KHDRBS3: variants seen among roughly 807,000 people sequenced by gnomAD.
KHDRBS3 encodes KH RNA binding domain containing, signal transduction associated 3, also known as KH domain-containing, RNA-binding, signal transduction-associated protein 3.
KHDRBS3 carries 23 observed loss-of-function variants against 45.6 expected under a neutral mutation model. The observed-to-expected ratio is 0.50, with a 90% CI of 0.36 to 0.72. The LOEUF is 0.72. Ranked by LOEUF, KHDRBS3 falls within the 30% of genes least tolerant of loss-of-function variation. The pLI is 0.00. For synonymous variants in KHDRBS3, 162 were observed against 156.5 expected, an observed-to-expected ratio of 1.04 and a Z score of -0.26; for missense variants, 352 against 424.8, an observed-to-expected ratio of 0.83 and a Z score of 1.51.
At chr8:135,494,760 G>C (rs1192847678) in intron 1 of KHDRBS3, among the ~76,000 whole-genome samples, 1 of 152,178 alleles carries the variant, frequency 6.6e-6, no homozygotes, top group East Asian at 1.9e-4. Flanking sequence ...TTCCATAGTG[G>C]GTTCAAGAGA....
At chr8:135,609,856 G>A (rs1301014643) in intron 7 of KHDRBS3, among the ~76,000 whole-genome samples, 3 of 151,742 alleles carry the variant, frequency 2.0e-5, no homozygotes, top group Non-Finnish European at 4.4e-5. Flanking sequence ...TTTATGGTTC[G>A]ATTCATTCTG....
chr8:135,533,126 A>G (rs1024917631), intron 2 of KHDRBS3, among the ~76,000 whole-genome samples: 2 of 152,124 alleles, frequency 1.3e-5, no homozygotes, highest in African/African-American at 4.8e-5. Context: ...GTACTGGGGC[A>G]TACAGCTATT....
chr8:135,548,355 A>G (rs780920411), intron 3 of KHDRBS3, among the ~76,000 whole-genome samples: 29 of 152,234 alleles, frequency 1.9e-4, no homozygotes, highest in Non-Finnish European at 3.2e-4. Context: ...AGAGACGCAC[A>G]CAGCCAGTGT....
chr8:135,565,257 G>A (rs548142298), intron 5 of KHDRBS3, among the ~76,000 whole-genome samples: 3 of 152,148 alleles, frequency 2.0e-5, no homozygotes, highest in Non-Finnish European at 4.4e-5. Flanking sequence ...CTGGAGGGGA[G>A]TTTCTTTAGA....
At chr8:135,605,353 T>C (rs1156789240) in intron 6 of KHDRBS3, among the ~76,000 whole-genome samples, 1 of 152,108 alleles carries the variant, frequency 6.6e-6, no homozygotes, top group Non-Finnish European at 1.5e-5. Context: ...GACTGGATTT[T>C]CTCCACTCAT....
At chr8:135,653,513 T>C (rs1391746976) in intron 4 of KHDRBS3, among the ~76,000 whole-genome samples, 1 of 152,222 alleles carries the variant, frequency 6.6e-6, no homozygotes, top group Non-Finnish European at 1.5e-5. Context: ...TGAATATGTA[T>C]CTTTTCTGCA....
intron 6 of KHDRBS3, among the ~76,000 whole-genome samples, chr8:135,586,254 A>G (rs1236443355): frequency 6.6e-6 from 1 of 152,154 alleles, no homozygotes; most frequent in Non-Finnish European, 1.5e-5. Flanking sequence ...ACTGGTAAAG[A>G]AGGAGCAGAT....
chr8:135,568,862 C>T (rs11781018), intron 5 of KHDRBS3, among the ~76,000 whole-genome samples: 59,481 of 152,042 alleles, frequency 0.39, 12,735 homozygotes, highest in South Asian at 0.53. Flanking sequence ...CTGCTCTTGC[C>T]TCCCCCTGTA....
Position 135,557,485 on chromosome 8 carries a change from A to G in KHDRBS3, c.509A>G (p.Glu170Gly). 1 of 1,610,746 alleles carries G rather than the reference A, an allele frequency of 6.2e-7. No individual in the cohort carries two copies. Among genetic ancestry groups the G allele is most frequent in the Non-Finnish European group, 8.5e-7 (1 of 1,176,922 alleles). The change falls in exon 5 of 9, where the codon GAG becomes GGG. Residue 170 changes from glutamate (E) to glycine (G), a missense_variant. Coordinates refer to ENST00000355849, the MANE Select transcript of KHDRBS3 (RefSeq NM_006558.3). ...NDEIRQAQLQ[E>G]LTYLNGGSEN... ...GAGATCAGGCAAGCACAGCTCCAGG[A>G]GTTAACATATTTGAATGGTGGTTCA...
At chr8:135,642,240 T>C (rs1831090613) in intron 7 of KHDRBS3, among the ~76,000 whole-genome samples, 1 of 152,244 alleles carries the variant, frequency 6.6e-6, no homozygotes, top group African/African-American at 2.4e-5. Context: ...CTGTAGCATT[T>C]GTGTTCAGCA....
At chr8:135,575,346 G>A (rs1314328586) in intron 5 of KHDRBS3, among the ~76,000 whole-genome samples, 1 of 152,134 alleles carries the variant, frequency 6.6e-6, no homozygotes, top group Non-Finnish European at 1.5e-5. Flanking sequence ...GCTCCATAGA[G>A]CTCGTGGCTC....
intron 1 of KHDRBS3, among the ~76,000 whole-genome samples, chr8:135,476,837 A>G (rs1238824321): frequency 2.6e-5 from 4 of 152,356 alleles, no homozygotes; most frequent in African/African-American, 9.6e-5. Context: ...GGTAAATGAC[A>G]TTGAAAGATG....
At chr8:135,537,298 T>G (rs192894257) in intron 2 of KHDRBS3, among the ~76,000 whole-genome samples, 1 of 152,248 alleles carries the variant, frequency 6.6e-6, no homozygotes, top group East Asian at 1.9e-4. Context: ...ACTAATCAGC[T>G]TTTTGGTGAG....
In KHDRBS3 at chr8:135,607,837, G is replaced by GAAC. The variant is rs149260572; in HGVS notation, c.890+800_890+801insAAC. Among the ~76,000 whole-genome samples, 1,412 of 152,288 alleles carry GAAC rather than the reference G, an allele frequency of 9.3e-3. 18 individuals are homozygous for GAAC. Among genetic ancestry groups the GAAC allele is most frequent in the African/African-American group, 0.033 (1,362 of 41,538 alleles). ...TTTGAACTCGTCCAGTGCCAGTCAA[G>GAAC]CTTTGCACACATAGGTTCTCTTTAT... On this transcript the variant is annotated intron_variant, in intron 7 of 8. Coordinates refer to ENST00000355849, the MANE Select transcript of KHDRBS3 (RefSeq NM_006558.3).
intron 7 of KHDRBS3, among the ~76,000 whole-genome samples, chr8:135,636,050 A>G (rs1830797304): frequency 6.6e-6 from 1 of 152,192 alleles, no homozygotes; most frequent in Non-Finnish European, 1.5e-5. Context: ...ACTTAAAGTG[A>G]CAGGCTCACT....
chr8:135,548,771 A>C lies in KHDRBS3; in HGVS notation c.342A>C (p.Lys114Asn). Residue 114 changes from lysine to asparagine, a missense_variant, in exon 4 of 9, where the codon AAA (lysine) becomes AAC (asparagine). Lys to Asn is a moderately conservative substitution (Grantham distance 94). Around this residue, in one of 6 missense-constraint regions of KHDRBS3, gnomAD observed 46 missense variants for 45.9 expected, o/e 1.00. Transcript: ENST00000355849. ...TTTTCCAGGAAGAAGAGTTGAGGAA[A>C]AGTGGAGAAGCGAAGTACTTCCATC... Reference protein sequence around the residue: ...RDKAKEEELRKSGEAKYFHLN... With the variant: ...RDKAKEEELRNSGEAKYFHLN... 6.5e-7 allele frequency: 1 copy of C among 1,544,328 alleles called. No homozygotes were observed.
At chr8:135,562,568 G>A (rs1249099714) in intron 5 of KHDRBS3, among the ~76,000 whole-genome samples, 1 of 152,082 alleles carries the variant, frequency 6.6e-6, no homozygotes, top group Non-Finnish European at 1.5e-5. Context: ...GGTAACTAAT[G>A]ATAGGTGGTA....
intron 5 of KHDRBS3, among the ~76,000 whole-genome samples, chr8:135,559,456 A>T (rs1350886736): frequency 6.6e-6 from 1 of 152,070 alleles, no homozygotes; most frequent in Non-Finnish European, 1.5e-5. Flanking sequence ...GGGTTCAAAT[A>T]ATTCTCCTGC....
At chr8:135,469,798 A>T (rs1821919742) in intron 1 of KHDRBS3, among the ~76,000 whole-genome samples, 1 of 152,168 alleles carries the variant, frequency 6.6e-6, no homozygotes, top group Admixed American at 6.5e-5. Context: ...AAGTGCTGGG[A>T]TTACAGGCGT....
Sources: allele counts gnomAD v4.1 joint callset (sites outside exome capture counted in the v4.1 genomes callset), GRCh38; gene constraint gnomAD v4.1.1; regional missense constraint gnomAD v4.1.1; transcripts MANE v1.5; gene names NCBI Gene and HGNC (gene_info 2026-07-23, HGNC 2026-07-21).